PRELID2: variants seen among roughly 807,000 people sequenced by gnomAD.
PRELID2 encodes the protein PRELI domain-containing protein 2.
In PRELID2, 25 loss-of-function variants were observed where a neutral mutation model predicts 28.4. The observed-to-expected ratio is 0.88, with a 90% CI of 0.64 to 1.23. The LOEUF (loss-of-function observed/expected upper bound fraction) is 1.23. Ranked by LOEUF, PRELID2 falls within the 50% of genes most tolerant of loss-of-function variation. The pLI is 0.00. For synonymous variants in PRELID2, 76 were observed against 71.6 expected (o/e 1.06, Z -0.31); for missense variants, 201 against 214.4 (o/e 0.94, Z 0.39).
chr5:145,524,860 A>G (rs1393218000), intron 1 of PRELID2, among the ~76,000 whole-genome samples: 1 of 152,190 alleles, frequency 6.6e-6, no homozygotes, highest in Admixed American at 6.5e-5. Context: ...CAAAACAGAA[A>G]TAATACCTAT....
At chr5:145,340,136 C>T in the PRELID2 span, among the ~76,000 whole-genome samples, 5 of 152,122 alleles carry the variant, frequency 3.3e-5, no homozygotes, top group Admixed American at 3.3e-4. Context: ...CAGCCTGGTC[C>T]CATCCCCCAA....
rs528920211 is a variant in PRELID2, at chr5:145,568,395, G to A, written n.71-95080C>T. Among the ~76,000 whole-genome samples, 6 of 152,166 alleles carry A rather than the reference G, an allele frequency of 3.9e-5. No homozygotes were observed. In the East Asian group the frequency reaches 1.2e-3, roughly 29 times the overall value. ...AAATAAAAAATGTTATTCAATATTT[G>A]GTTATCCACGACTATTCTCAATCAC... On this transcript the variant is annotated intron_variant and non_coding_transcript_variant, in intron 1 of 2. Coordinates refer to the PRELID2 transcript ENST00000510259.
At chr5:145,368,844 T>C in the PRELID2 span, among the ~76,000 whole-genome samples, 1 of 151,796 alleles carries the variant, frequency 6.6e-6, no homozygotes, top group Non-Finnish European at 1.5e-5. Context: ...CAGGGGTACA[T>C]GTGCAGGTTT....
At chr5:145,750,724 C>T (rs1176733276) in intron 1 of PRELID2, among the ~76,000 whole-genome samples, 2 of 152,108 alleles carry the variant, frequency 1.3e-5, no homozygotes, top group Non-Finnish European at 2.9e-5. Flanking sequence ...CATACAATTC[C>T]CATTTCAGAT....
At chr5:145,575,829 C>A (rs1580982296) in intron 1 of PRELID2, among the ~76,000 whole-genome samples, 1 of 152,112 alleles carries the variant, frequency 6.6e-6, no homozygotes. Context: ...ATTAGTCACC[C>A]TTTTGACCTC....
chr5:145,606,547 G>T (rs781045572), intron 1 of PRELID2, among the ~76,000 whole-genome samples: 19 of 152,028 alleles, frequency 1.2e-4, no homozygotes, highest in Non-Finnish European at 2.5e-4. Context: ...TTTTAGTTCT[G>T]TTTATGTGAT....
the PRELID2 span, among the ~76,000 whole-genome samples, chr5:145,352,590 T>C: frequency 1.3e-5 from 2 of 152,176 alleles, no homozygotes; most frequent in Admixed American, 1.3e-4. Context: ...CCTGGAGATA[T>C]TTTCCCATTG....
chr5:145,360,130 A>G, the PRELID2 span, among the ~76,000 whole-genome samples: 12 of 152,148 alleles, frequency 7.9e-5, no homozygotes, highest in Non-Finnish European at 4.4e-5. Context: ...CCTCCTCCAA[A>G]AGCAGGCCAG....
At chr5:145,460,388 C>T in the PRELID2 span, among the ~76,000 whole-genome samples, 2 of 152,062 alleles carry the variant, frequency 1.3e-5, no homozygotes, top group Non-Finnish European at 2.9e-5. Context: ...ATAAATTATC[C>T]TCTATTCTAT....
chr5:145,506,733 G>A (rs568441642), intron 1 of PRELID2, among the ~76,000 whole-genome samples: 1 of 152,200 alleles, frequency 6.6e-6, no homozygotes, highest in East Asian at 1.9e-4. Context: ...ATCCTATTAA[G>A]GACAATGAAG....
the PRELID2 span, among the ~76,000 whole-genome samples, chr5:145,413,663 T>A: frequency 6.7e-6 from 1 of 149,984 alleles, no homozygotes; most frequent in East Asian, 2.0e-4. Flanking sequence ...CATTATTTAT[T>A]ATGTCAATAG....
chr5:145,288,842 C>T, the PRELID2 span, among the ~76,000 whole-genome samples: 330 of 152,220 alleles, frequency 2.2e-3, 2 homozygotes, highest in African/African-American at 7.6e-3. Context: ...CTTACTCTAA[C>T]AATGAGAAAC....
chr5:145,823,666 G>A (rs946609090), intron 1 of PRELID2, among the ~76,000 whole-genome samples: 8 of 152,128 alleles, frequency 5.3e-5, no homozygotes, highest in Non-Finnish European at 1.2e-4. Context: ...TCTTCACTGT[G>A]GTCTAATATC....
chr5:145,550,085 G>A (rs984969086), intron 1 of PRELID2, among the ~76,000 whole-genome samples: 12 of 152,122 alleles, frequency 7.9e-5, no homozygotes, highest in African/African-American at 2.4e-4. Flanking sequence ...CTATGAGCAG[G>A]GTTTAGGCAA....
intron 5 of PRELID2, among the ~76,000 whole-genome samples, chr5:145,785,574 C>T (rs1416243807): frequency 6.6e-6 from 1 of 152,154 alleles, no homozygotes; most frequent in East Asian, 1.9e-4. Flanking sequence ...TAATCAGCAA[C>T]CTCGCTCTCC....
intron 1 of PRELID2, among the ~76,000 whole-genome samples, chr5:145,514,261 G>T (rs1253814881): frequency 6.9e-6 from 1 of 144,018 alleles, no homozygotes; most frequent in Non-Finnish European, 1.5e-5. Flanking sequence ...CATGTGCACA[G>T]ACACACATAG....
At chr5:145,763,529 A>G (rs1757576489) in intron 6 of PRELID2, among the ~76,000 whole-genome samples, 1 of 152,202 alleles carries the variant, frequency 6.6e-6, no homozygotes, top group South Asian at 2.1e-4. Flanking sequence ...AGACTTTACA[A>G]TTCTCCGAAT....
intron 1 of PRELID2, among the ~76,000 whole-genome samples, chr5:145,669,083 A>T (rs1754653575): frequency 6.6e-6 from 1 of 152,150 alleles, no homozygotes; most frequent in Admixed American, 6.6e-5. Context: ...TGGACTCAGA[A>T]TATGTCACAT....
chr5:145,824,336 C>T lies in PRELID2; in HGVS notation c.76-1202G>A, dbSNP rs576877819. On this transcript the variant is annotated intron_variant, in intron 1 of 6. Transcript: ENST00000683046. ...GGCTGAGGGGAGAAAGAAGAAAGGC[C>T]CCTCACTTTGCAAACTTGAGCTTTA... Among the ~76,000 whole-genome samples the T allele has an allele frequency of 2.0e-3, 307 of 152,040 alleles. 3 individuals carry two copies. In the Middle Eastern group the frequency reaches 0.031, roughly 15 times the overall value.
Sources: allele counts gnomAD v4.1 joint callset (sites outside exome capture counted in the v4.1 genomes callset), GRCh38; gene constraint gnomAD v4.1.1; transcripts MANE v1.5; gene names NCBI Gene and HGNC (gene_info 2026-07-23, HGNC 2026-07-21).